The following IPO11 variants were observed in gnomAD, a reference collection of about 807,000 sequenced individuals.
IPO11 encodes importin-11.
A neutral mutation model predicts 143.2 loss-of-function variants in IPO11; 66 were observed. That is an observed-to-expected ratio of 0.46 (90% CI 0.38 to 0.57). IPO11 has a LOEUF of 0.57. Ranked by LOEUF, IPO11 falls within the 20% of genes least tolerant of loss-of-function variation. The pLI is 0.00. For missense variants in IPO11, 1,026 were observed against 1,141.0 expected, an observed-to-expected ratio of 0.90 and a Z score of 1.45; for synonymous variants, 385 against 377.8, an observed-to-expected ratio of 1.02 and a Z score of -0.22.
intron 1 of IPO11, chr5:62,413,325 C>T (rs1253793872): frequency 6.6e-6 from 1 of 152,142 alleles, no homozygotes; most frequent in Non-Finnish European, 1.5e-5. Flanking sequence ...ATTGTTACTG[C>T]GCACGCGACC....
At chr5:62,452,244 C>CA (rs1322504193) in intron 5 of IPO11, among the ~76,000 whole-genome samples, 1 of 146,472 alleles carries the variant, frequency 6.8e-6, no homozygotes, top group East Asian at 1.9e-4. Context: ...GACTCCGTCT[C>CA]AAAAAAAATA....
At chr5:62,465,311 T>A (rs1174379844) in intron 5 of IPO11, among the ~76,000 whole-genome samples, 1 of 152,236 alleles carries the variant, frequency 6.6e-6, no homozygotes, top group African/African-American at 2.4e-5. Flanking sequence ...AGATATTTTT[T>A]CAATTCTGGA....
intron 10 of IPO11, 83 bp from the exon 11 acceptor site, chr5:62,483,927 A>G: frequency 1.7e-6 from 2 of 1,183,240 alleles, no homozygotes; most frequent in South Asian, 2.9e-5. Flanking sequence ...CTGAGAGTGT[A>G]TTTTTTATTT....
chr5:62,549,065 C>CT (rs1471409712), intron 24 of IPO11, among the ~76,000 whole-genome samples: 1 of 149,748 alleles, frequency 6.7e-6, no homozygotes, highest in Non-Finnish European at 1.5e-5. Flanking sequence ...CCATGTTTAT[C>CT]TTTTTTCCCA....
chr5:62,497,658 G>A (rs1023191760), intron 16 of IPO11, among the ~76,000 whole-genome samples: 11 of 152,178 alleles, frequency 7.2e-5, no homozygotes, highest in Admixed American at 5.2e-4. Context: ...TTGTATAGAC[G>A]AGGTCTCACT....
chr5:62,551,715 A>G (rs1743394612), intron 26 of IPO11, among the ~76,000 whole-genome samples: 1 of 152,082 alleles, frequency 6.6e-6, no homozygotes, highest in African/African-American at 2.4e-5. Flanking sequence ...GATTGAGAGT[A>G]TTTCTGTTCT....
chr5:62,470,339 T>C (rs1745720593), intron 7 of IPO11, 31 bp downstream of exon 7: 1 of 1,585,574 alleles, frequency 6.3e-7, no homozygotes, highest in Non-Finnish European at 8.7e-7. Context: ...GCTGTGACTT[T>C]GGGAAAGTGG....
chr5:62,611,654 AC>A (rs1440697750), intron 29 of IPO11, among the ~76,000 whole-genome samples: 1 of 152,188 alleles, frequency 6.6e-6, no homozygotes, highest in Non-Finnish European at 1.5e-5. Context: ...GAATTCAGTA[AC>A]TTTGCCCCTG....
At chr5:62,474,613 T>G in intron 8 of IPO11, 149 bp downstream of exon 8, 1 of 619,238 alleles carries the variant, frequency 1.6e-6, no homozygotes. Flanking sequence ...AGAGAAAGTG[T>G]CTTGTCCAAT....
intron 1 of IPO11, 68 bp from the exon 2 acceptor site, chr5:62,437,206 A>G: frequency 4.6e-6 from 6 of 1,292,982 alleles, no homozygotes; most frequent in Non-Finnish European, 6.3e-6. Flanking sequence ...TTTTGTCTCC[A>G]TTTATTTTAC....
At chr5:62,608,582 A>G (rs972295219) in intron 29 of IPO11, among the ~76,000 whole-genome samples, 6 of 152,144 alleles carry the variant, frequency 3.9e-5, no homozygotes, top group Admixed American at 6.5e-5. Flanking sequence ...TTCTGCCTCT[A>G]TTACATGCTA....
At chr5:62,473,772 ATATT>A (rs1227864949) in intron 7 of IPO11, among the ~76,000 whole-genome samples, 1 of 151,970 alleles carries the variant, frequency 6.6e-6, no homozygotes, top group African/African-American at 2.4e-5. Context: ...CTATTTCTTT[ATATT>A]TATTCCTGTT....
chr5:62,573,942 T>A (rs988069315), intron 27 of IPO11, among the ~76,000 whole-genome samples: 15 of 152,220 alleles, frequency 9.9e-5, no homozygotes, highest in South Asian at 2.1e-4. Context: ...TAAACTTTCC[T>A]TCTGTAACAT....
chr5:62,509,253 AG>A (rs1335591072), intron 19 of IPO11, among the ~76,000 whole-genome samples: 1 of 152,210 alleles, frequency 6.6e-6, no homozygotes, highest in African/African-American at 2.4e-5. Context: ...ACAAAATTAA[AG>A]GGACTCTGTG....
chr5:62,529,546 A>G (rs951866502), intron 21 of IPO11, among the ~76,000 whole-genome samples: 3 of 152,036 alleles, frequency 2.0e-5, no homozygotes, highest in Non-Finnish European at 2.9e-5. Flanking sequence ...TTTTGATTTT[A>G]TATCAGTGCT....
chr5:62,511,256 T>G (rs182218942), intron 19 of IPO11, among the ~76,000 whole-genome samples: 346 of 152,316 alleles, frequency 2.3e-3, no homozygotes, highest in Non-Finnish European at 3.2e-3. Context: ...TACCTCATTT[T>G]CCTTACCAGT....
intron 29 of IPO11, among the ~76,000 whole-genome samples, chr5:62,608,385 C>G (rs1391380885): frequency 1.3e-5 from 2 of 152,200 alleles, no homozygotes; most frequent in Non-Finnish European, 2.9e-5. Context: ...TACATATTTT[C>G]TAAAAGCTTC....
At chr5:62,528,059 G>T (rs1742422311) in intron 21 of IPO11, among the ~76,000 whole-genome samples, 1 of 152,170 alleles carries the variant, frequency 6.6e-6, no homozygotes, top group Non-Finnish European at 1.5e-5. Flanking sequence ...CAATGCCTGA[G>T]GATAATTAAA....
At chr5:62,441,782 G>T (rs1312900437) in intron 2 of IPO11, among the ~76,000 whole-genome samples, 1 of 151,562 alleles carries the variant, frequency 6.6e-6, no homozygotes, top group Admixed American at 6.6e-5. Context: ...CTCCCAGAGT[G>T]CAGGGATTAC....
Sources: gnomAD v4.1 joint callset for allele counts (sites outside exome capture counted in the v4.1 genomes callset) on GRCh38, gnomAD v4.1.1 for gene constraint, MANE v1.5 for transcripts, NCBI Gene and HGNC (gene_info 2026-07-23, HGNC 2026-07-21) for gene names.